Variants in VAV3 observed in about 807,000 individuals in gnomAD.
VAV3 encodes guanine nucleotide exchange factor VAV3.
VAV3 carries 94 observed loss-of-function variants against 131.2 expected under a neutral mutation model. That is an observed-to-expected ratio of 0.72 (90% confidence interval 0.61 to 0.85). The LOEUF (loss-of-function observed/expected upper bound fraction) is 0.85, where lower values mean the gene tolerates loss of function less well. Among genes scored for constraint, VAV3 ranks in the 40% least tolerant of loss-of-function variants. VAV3 has a pLI of 0.00. For synonymous variants in VAV3, 349 were observed against 342.0 expected, an observed-to-expected ratio of 1.02 and a Z score of -0.22; for missense variants, 939 against 1,002.7, an observed-to-expected ratio of 0.94 and a Z score of 0.86.
At chr1:107,955,974 A>T (rs1199258108) in intron 1 of VAV3, among the ~76,000 whole-genome samples, 1 of 152,212 alleles carries the variant, frequency 6.6e-6, no homozygotes, top group Non-Finnish European at 1.5e-5. Flanking sequence ...TACTCTGAAA[A>T]TATATCTCAC....
At chr1:107,730,813 A>T (rs889938743) in intron 15 of VAV3, among the ~76,000 whole-genome samples, 1 of 152,334 alleles carries the variant, frequency 6.6e-6, no homozygotes, top group Non-Finnish European at 1.5e-5. Flanking sequence ...AAACAAACTG[A>T]AAAGGAAACT....
intron 20 of VAV3, among the ~76,000 whole-genome samples, chr1:107,625,504 T>C (rs1653949192): frequency 6.6e-6 from 1 of 152,102 alleles, no homozygotes. Flanking sequence ...TGACCTCAAA[T>C]CATCCACTTG....
chr1:107,720,514 A>G (rs1222598790), intron 15 of VAV3, among the ~76,000 whole-genome samples: 1 of 150,666 alleles, frequency 6.6e-6, no homozygotes, highest in Non-Finnish European at 1.5e-5. Flanking sequence ...CCCCGTGTCT[A>G]CTAAAAATAC....
Position 107,572,385 on chromosome 1 carries a change from T to C in VAV3, c.*946A>G, listed in dbSNP as rs1481254697. On this transcript the variant is annotated 3_prime_UTR_variant, in exon 27 of 27. Transcript: ENST00000370056. ...AAAAAAATCATGTCCCAGGTCATCT[T>C]TGTGTGTGTGCGGGGGAGGTGGATG... 2 of 152,246 alleles carry C rather than the reference T, an allele frequency of 1.3e-5. No homozygotes were observed. Among genetic ancestry groups the C allele is most frequent in the Non-Finnish European group, 2.9e-5 (2 of 68,044 alleles). 9.4% of individuals were successfully genotyped at this position (152,246 alleles called of 1,614,324 possible). A position where few individuals can be genotyped will look rare whatever the true frequency, so the allele number is the denominator to read the frequency against.
At chr1:107,944,825 C>T (rs1306593260) in intron 1 of VAV3, among the ~76,000 whole-genome samples, 1 of 152,134 alleles carries the variant, frequency 6.6e-6, no homozygotes, top group Non-Finnish European at 1.5e-5. Context: ...AGGCTGGTCT[C>T]GAACTCCTGA....
chr1:107,893,075 C>T (rs1671387124), intron 1 of VAV3, among the ~76,000 whole-genome samples: 1 of 152,124 alleles, frequency 6.6e-6, no homozygotes, highest in Admixed American at 6.6e-5. Flanking sequence ...AAAACTTGGT[C>T]AAGTTGCTAA....
intron 1 of VAV3, among the ~76,000 whole-genome samples, chr1:107,899,022 G>GA (rs898682890): frequency 6.6e-6 from 1 of 152,046 alleles, no homozygotes. Context: ...CTATACATTA[G>GA]AAAAACAAAC....
intron 9 of VAV3, among the ~76,000 whole-genome samples, chr1:107,762,133 A>AG (rs200590891): frequency 0.011 from 1,555 of 147,000 alleles, 11 homozygotes; most frequent in South Asian, 0.03. Context: ...AAAAAAAAAA[A>AG]GGGCCATACA....
chr1:107,960,983 T>C (rs1180909213), intron 1 of VAV3, among the ~76,000 whole-genome samples: 1 of 151,822 alleles, frequency 6.6e-6, no homozygotes, highest in Non-Finnish European at 1.5e-5. Flanking sequence ...TACAGTCATT[T>C]ATTTATGGTT....
chr1:107,738,864 A>T (rs1302977932), intron 15 of VAV3, among the ~76,000 whole-genome samples: 1 of 152,198 alleles, frequency 6.6e-6, no homozygotes, highest in Non-Finnish European at 1.5e-5. Context: ...TTACTCTTTG[A>T]GCAAATCTCT....
chr1:107,681,123 A>G (rs1285967783), intron 19 of VAV3, among the ~76,000 whole-genome samples: 1 of 152,140 alleles, frequency 6.6e-6, no homozygotes, highest in African/African-American at 2.4e-5. Flanking sequence ...GGACCTGGTG[A>G]AGTAGTTACA....
chr1:107,959,647 C>T (rs1674985192), intron 1 of VAV3, among the ~76,000 whole-genome samples: 1 of 152,178 alleles, frequency 6.6e-6, no homozygotes, highest in African/African-American at 2.4e-5. Flanking sequence ...AGGCATGCTC[C>T]AATGGCTCAT....
At chr1:107,961,198 C>T (rs1472409743) in intron 1 of VAV3, among the ~76,000 whole-genome samples, 1 of 152,166 alleles carries the variant, frequency 6.6e-6, no homozygotes, top group Non-Finnish European at 1.5e-5. Flanking sequence ...TGTATTACCC[C>T]TACTATAAAG....
chr1:107,873,101 G>A (rs1670326336), intron 2 of VAV3, among the ~76,000 whole-genome samples: 1 of 152,144 alleles, frequency 6.6e-6, no homozygotes, highest in South Asian at 2.1e-4. Flanking sequence ...ACAATCTCAT[G>A]TTTAATTCTG....
At chr1:107,727,289 C>T (rs1661904925) in intron 15 of VAV3, among the ~76,000 whole-genome samples, 1 of 152,204 alleles carries the variant, frequency 6.6e-6, no homozygotes, top group South Asian at 2.1e-4. Context: ...TTTTAAGCTC[C>T]ACTAAAATGT....
intron 1 of VAV3, among the ~76,000 whole-genome samples, chr1:107,958,535 C>T (rs1287995476): frequency 6.6e-6 from 1 of 152,212 alleles, no homozygotes; most frequent in Non-Finnish European, 1.5e-5. Context: ...TGTATGAAAA[C>T]ACATGGCAAT....
intron 9 of VAV3, among the ~76,000 whole-genome samples, chr1:107,762,174 T>A (rs1664479461): frequency 6.6e-6 from 1 of 150,814 alleles, no homozygotes; most frequent in African/African-American, 2.4e-5. Flanking sequence ...ACCTCATAAG[T>A]CCAAAATCCT....
rs540157185 is a variant in VAV3 at position 107,705,072 on chromosome 1, G to GA, written c.1503-12dup. ...GGTCTTATGTTAGACCTAAAAAAAG[G>GA]AAAAAAATAACTTTCTATAGAAAGT... On this transcript the variant is annotated splice_polypyrimidine_tract_variant and intron_variant, in intron 15 of 26. Transcript: ENST00000370056. 688 of 1,589,978 alleles carry GA rather than the reference G, an allele frequency of 4.3e-4. 2 individuals carry two copies. The African/African-American group carries it at 7.3e-3, about 17-fold the overall frequency.
At chr1:107,905,028 AG>A (rs1272021464) in intron 1 of VAV3, among the ~76,000 whole-genome samples, 1 of 152,224 alleles carries the variant, frequency 6.6e-6, no homozygotes, top group Non-Finnish European at 1.5e-5. Context: ...CAAAGCCTTA[AG>A]GAAGAAATCT....
Sources: allele counts gnomAD v4.1 joint callset (sites outside exome capture counted in the v4.1 genomes callset), GRCh38; gene constraint gnomAD v4.1.1; transcripts MANE v1.5; gene names NCBI Gene and HGNC (gene_info 2026-07-23, HGNC 2026-07-21).